ARID3A: variants seen among roughly 807,000 people sequenced by gnomAD.
ARID3A encodes the protein AT-rich interactive domain-containing protein 3A.
ARID3A carries 11 observed loss-of-function variants against 52.7 expected under a neutral mutation model. The observed-to-expected ratio is 0.21, with a 90% CI of 0.13 to 0.35. ARID3A has a LOEUF of 0.35. Ranked by LOEUF, ARID3A falls within the 10% of genes least tolerant of loss-of-function variation. The pLI, the probability that ARID3A is intolerant of heterozygous loss-of-function variation, is 1.00. For synonymous variants in ARID3A, 404 were observed against 359.4 expected, an observed-to-expected ratio of 1.12 and a Z score of -1.40; for missense variants, 721 against 838.5, an observed-to-expected ratio of 0.86 and a Z score of 1.73.
chr19:926,122 G>T (rs985909666), intron 1 of ARID3A, 63 bp downstream of exon 1: 4 of 150,578 alleles, frequency 2.7e-5, no homozygotes, highest in African/African-American at 7.3e-5. Context: ...GCGCACCGGC[G>T]GCTGGAAGCC....
chr19:972,770 A>T lies in ARID3A; in HGVS notation c.*705A>T, dbSNP rs549772290. The T allele has an allele frequency of 5.9e-6, 1 of 168,272 alleles. No individual in the cohort carries two copies. The highest frequency in any genetic ancestry group is 9.1e-5 in the East Asian group (1 of 10,938). 10.4% of individuals were successfully genotyped at this position (168,272 alleles called of 1,614,324 possible). A position where few individuals can be genotyped will look rare whatever the true frequency, so the allele number is the denominator to read the frequency against. Reference sequence around the variant, plus strand: ...GCTATATATTTGTGTTCCTTCAGGGAAACTGGTCTTGAAAAAGCAAGAAAA... The same window carrying T: ...GCTATATATTTGTGTTCCTTCAGGGTAACTGGTCTTGAAAAAGCAAGAAAA... On this transcript the variant is annotated 3_prime_UTR_variant, in exon 9 of 9. Transcript: ENST00000263620.
chr19:954,639 G>T (rs578164358), intron 3 of ARID3A, among the ~76,000 whole-genome samples: 1 of 152,094 alleles, frequency 6.6e-6, no homozygotes, highest in Non-Finnish European at 1.5e-5. Flanking sequence ...CAGAAACCCC[G>T]TGAGGCCGGT....
rs777962993 is a variant in ARID3A, at chr19:964,231, C to T, written c.767-17C>T. On this transcript the variant is annotated splice_polypyrimidine_tract_variant and intron_variant, in intron 4 of 8. Transcript: ENST00000263620. This position sits in a 1 kb window ranked among gnomAD's most constrained non-coding sequence, Gnocchi z 5.7. ...TGCCCAGGTGGCCCCCAACCTCCCT[C>T]TCGCCCCTTCCCCCAGGGACACCTG... 79 of 1,601,912 alleles carry T rather than the reference C, an allele frequency of 4.9e-5. No individual in the cohort carries two copies. In the East Asian group the frequency reaches 1.6e-3, roughly 32 times the overall value.
rs2037618802 is a variant in ARID3A, at chr19:944,061, T to TG, written c.693+11319_693+11320insG. Among the ~76,000 whole-genome samples, 7 of 142,726 alleles carry TG rather than the reference T, an allele frequency of 4.9e-5. 1 individual carries two copies. The highest frequency in any genetic ancestry group is 7.9e-5 in the African/African-American group (3 of 37,974). 93.6% of individuals were successfully genotyped at this position (142,726 alleles called of 152,430 possible). On this transcript the variant is annotated intron_variant, in intron 3 of 8. Transcript: ENST00000263620. The surrounding 1 kb of genome is among the most constrained non-coding windows in gnomAD (Gnocchi z 5.9). ...CCCTCTCATGGGCACTTACGGGGCA[T>TG]CTGTATGCCAGCCCGACCCTCTCAT...
rs915283496 is a variant in ARID3A at position 947,160 on chromosome 19, G to T, written c.694-12932G>T. ...CCATTGCTGGGCACCGTGGGGTGGG[G>T]TGTGTCTGTGTGTGGCCTGGGGCAC... is the stretch of plus-strand genomic sequence containing the variant. On this transcript the variant is annotated intron_variant, in intron 3 of 8. Transcript: ENST00000263620. The surrounding 1 kb of genome is among the most constrained non-coding windows in gnomAD (Gnocchi z 6.3). 6.6e-6 allele frequency among the ~76,000 whole-genome samples: 1 copy of T among 152,080 alleles called. No homozygotes were observed. Among genetic ancestry groups the T allele is most frequent in the Non-Finnish European group, 1.5e-5 (1 of 68,002 alleles).
At chr19:946,766 G>A (rs896925728) in intron 3 of ARID3A, among the ~76,000 whole-genome samples, 2 of 151,594 alleles carry the variant, frequency 1.3e-5, no homozygotes, top group Non-Finnish European at 2.9e-5. Context: ...TAATCCCAAA[G>A]GCTTCAAAAC....
chr19:943,786 G>A (rs896737358), intron 3 of ARID3A, among the ~76,000 whole-genome samples: 2 of 152,200 alleles, frequency 1.3e-5, no homozygotes, highest in Admixed American at 6.5e-5. Flanking sequence ...ACGTGGCACC[G>A]TGCCCTGGGC....
intron 2 of ARID3A, among the ~76,000 whole-genome samples, chr19:930,913 G>C (rs748980250): frequency 4.9e-4 from 74 of 152,204 alleles, no homozygotes; most frequent in Non-Finnish European, 8.5e-4. Context: ...GACCTGCATA[G>C]CGTGTGGGTC....
At chr19:940,967 C>T (rs918955014) in intron 3 of ARID3A, among the ~76,000 whole-genome samples, 14 of 152,098 alleles carry the variant, frequency 9.2e-5, no homozygotes, top group South Asian at 2.1e-4. Context: ...GGCCCGTGCC[C>T]GTGCCAGGAG....
chr19:962,447 ACAT>A (rs1202964906), intron 4 of ARID3A, among the ~76,000 whole-genome samples: 1 of 149,298 alleles, frequency 6.7e-6, no homozygotes, highest in Non-Finnish European at 1.5e-5. Flanking sequence ...CCTTCTGTAA[ACAT>A]CCTCCTCCCG....
At position 929,806 on chromosome 19, in the gene ARID3A, C is replaced by T. The variant is rs1376223527; in HGVS notation, c.278C>T (p.Ala93Val). ...CCCCCAGGCTCGGAGGAGGAGGACG[C>T]GGCCCGGGAGGGGACACCGGGCTCA... is the stretch of plus-strand genomic sequence containing the variant. ...DGPPGSEEEDAAREGTPGSPG... is the reference protein window; with the variant it reads ...DGPPGSEEEDVAREGTPGSPG... The change falls in exon 2 of 9, where the codon GCG becomes GTG. Residue 93 changes from alanine to valine, a missense_variant. Ala to Val is a moderately conservative substitution (Grantham distance 64). Transcript: ENST00000263620. This position sits in a 1 kb window ranked among gnomAD's most constrained non-coding sequence, Gnocchi z 6.2. 1.5e-5 allele frequency: 23 copies of T among 1,546,214 alleles called. No individual in the cohort carries two copies. The highest frequency in any genetic ancestry group is 2.4e-5 in the East Asian group (1 of 41,360).
At chr19:971,814 C>T (rs1737979764) in intron 8 of ARID3A, 64 bp from the exon 9 acceptor site, 3 of 1,525,926 alleles carry the variant, frequency 2.0e-6, no homozygotes, top group South Asian at 1.2e-5. Flanking sequence ...ATTGGGTCTC[C>T]CTTGTGGCCC....
chr19:925,939 G>A (rs1296953146), upstream of ARID3A: 4 of 138,808 alleles, frequency 2.9e-5, no homozygotes, highest in Non-Finnish European at 1.6e-5. Flanking sequence ...ATCCGAGAGC[G>A]ACTCGTCCCC....
At position 959,232 on chromosome 19, in the gene ARID3A, C is replaced by T. The variant is rs1305458678; in HGVS notation, c.694-860C>T. The stretch of plus-strand genomic sequence containing the variant: ...GCCGTGAGAGGCAGGAAGGTTCCTC[C>T]CTTGGAGACTTCGGAGGGAACGCAA... On this transcript the variant is annotated intron_variant, in intron 3 of 8. Coordinates refer to ENST00000263620, the MANE Select transcript of ARID3A (RefSeq NM_005224.3). This position sits in a 1 kb window ranked among gnomAD's most constrained non-coding sequence, Gnocchi z 5.0. Among the ~76,000 whole-genome samples, 2 of 152,134 alleles carry T rather than the reference C, an allele frequency of 1.3e-5. No homozygotes were observed. The highest frequency in any genetic ancestry group is 6.6e-5 in the Admixed American group (1 of 15,266).
At position 932,626 on chromosome 19, in the gene ARID3A, G is replaced by A; in HGVS notation, c.577G>A (p.Gly193Arg). The A allele has an allele frequency of 1.3e-6, 2 of 1,533,882 alleles. No individual in the cohort carries two copies. Among genetic ancestry groups the A allele is most frequent in the African/African-American group, 2.8e-5 (2 of 71,872 alleles). Reference protein sequence around the residue: ...FRGDGVPRVLGGQERPGPGPA... With the variant: ...FRGDGVPRVLRGQERPGPGPA... ...CGGCGATGGCGTTCCCAGGGTGCTGGGGGGCCAGGAGCGGCCGGGGCCTGG... is the reference window on the plus strand; with the variant it reads ...CGGCGATGGCGTTCCCAGGGTGCTGAGGGGCCAGGAGCGGCCGGGGCCTGG... Residue 193 changes from glycine to arginine, a missense_variant, in exon 3 of 9, where the codon GGG becomes AGG. Physicochemically the swap from Gly to Arg is moderately radical, Grantham distance 125. This residue lies in a region of ARID3A where 349 missense variants were observed against 297.3 expected (regional missense o/e 1.17). Coordinates refer to ENST00000263620, the MANE Select transcript of ARID3A (RefSeq NM_005224.3).
At position 945,370 on chromosome 19, in the gene ARID3A, G is replaced by A. The variant is rs368340514; in HGVS notation, c.693+12628G>A. Among the ~76,000 whole-genome samples, 7 of 152,312 alleles carry A rather than the reference G, an allele frequency of 4.6e-5. No individual in the cohort carries two copies. In the South Asian group the frequency reaches 8.3e-4, roughly 18 times the overall value. ...CCTGTAACTCCTGTAGAGAGGGGACGGCGTGTGGCATGGCCCCTGCTGCCT... is the reference window on the plus strand; with the variant it reads ...CCTGTAACTCCTGTAGAGAGGGGACAGCGTGTGGCATGGCCCCTGCTGCCT... On this transcript the variant is annotated intron_variant, in intron 3 of 8. Transcript: ENST00000263620.
In ARID3A at chr19:973,104, ATTTTTTT is replaced by A. The variant is rs56404084; in HGVS notation, c.*1054_*1060del. On this transcript the variant is annotated 3_prime_UTR_variant, in exon 9 of 9. Coordinates refer to ENST00000263620, the MANE Select transcript of ARID3A (RefSeq NM_005224.3). Reference sequence around the variant, plus strand: ...GGGCTCTCGAGTCAGGGGCCTGGAAATTTTTTTTTTTTTTTTTTTTTGAGACGGAGTT... The same window carrying A: ...GGGCTCTCGAGTCAGGGGCCTGGAAATTTTTTTTTTTTTTGAGACGGAGTT... 6 of 53,660 alleles carry A rather than the reference ATTTTTTT, an allele frequency of 1.1e-4. No individual in the cohort carries two copies. In the East Asian group the frequency reaches 2.0e-3, roughly 17 times the overall value. The allele number at this position is 53,660 out of a possible 1,614,324, so 3.3% of individuals were successfully genotyped here. A position where few individuals can be genotyped will look rare whatever the true frequency, so the allele number is the denominator to read the frequency against.
Position 964,303 on chromosome 19 carries a change from G to A in ARID3A, c.822G>A (p.Met274Ile), listed in dbSNP as rs1346552034. 1 of 1,614,144 alleles carries A rather than the reference G, an allele frequency of 6.2e-7. No homozygotes were observed. The highest frequency in any genetic ancestry group is 1.3e-5 in the African/African-American group (1 of 75,064). ...IMAKQVLDLF[M>I]LYVLVTEKGG... ...CCAAACAGGTCCTTGACCTGTTCAT[G>A]CTGTACGTGCTGGTGACGGAGAAGG... Residue 274 changes from methionine to isoleucine, a missense_variant, in exon 5 of 9, where the codon ATG (methionine) becomes ATA (isoleucine). By Grantham distance (10) the Met-to-Ile change is conservative (BLOSUM62 1). This residue lies in a region of ARID3A where 43 missense variants were observed against 143.7 expected (regional missense o/e 0.30). Coordinates refer to ENST00000263620, the MANE Select transcript of ARID3A (RefSeq NM_005224.3). The surrounding 1 kb of genome is among the most constrained non-coding windows in gnomAD (Gnocchi z 5.7).
intron 6 of ARID3A, among the ~76,000 whole-genome samples, chr19:965,816 A>T (rs1023712919): frequency 4.6e-5 from 7 of 151,220 alleles, no homozygotes; most frequent in African/African-American, 1.7e-4. Flanking sequence ...ATATGGTGAA[A>T]CCCTGTCTCT....
Sources: allele counts gnomAD v4.1 joint callset (sites outside exome capture counted in the v4.1 genomes callset), GRCh38; gene constraint gnomAD v4.1.1; regional missense constraint gnomAD v4.1.1; non-coding constraint Gnocchi (gnomAD v3.1); transcripts MANE v1.5; gene names NCBI Gene and HGNC (gene_info 2026-07-23, HGNC 2026-07-21).